Variants in GALNT13 observed in about 807,000 individuals in gnomAD.
GALNT13 encodes the protein polypeptide N-acetylgalactosaminyltransferase 13.
In GALNT13, 28 loss-of-function variants were observed where a neutral mutation model predicts 64.2. The ratio of observed to expected loss-of-function variants is 0.44; its 90% confidence interval spans 0.32 to 0.60. GALNT13 has a LOEUF of 0.60. GALNT13 is among the 20% of genes least tolerant of loss of function. The pLI is 0.05. For synonymous variants in GALNT13, 214 were observed against 224.6 expected (o/e 0.95, Z 0.42); for missense variants, 577 against 669.8 (o/e 0.86, Z 1.53).
At chr2:154,329,590 A>G (rs954984043) in intron 9 of GALNT13, among the ~76,000 whole-genome samples, 2 of 152,114 alleles carry the variant, frequency 1.3e-5, no homozygotes, top group African/African-American at 4.8e-5. Flanking sequence ...AACCCACTTC[A>G]TATCCCAGCA....
Position 153,997,803 on chromosome 2 carries a change from C to T in GALNT13, c.142+53164C>T, listed in dbSNP as rs373877496. On this transcript the variant is annotated intron_variant, in intron 3 of 12. Coordinates refer to ENST00000392825, the MANE Select transcript of GALNT13 (RefSeq NM_052917.4). ...TGCTATCCCTTCCCTAGCCCCCGAGCCCCCGACAGACCCTGGTGTGTGGTG... is the reference window on the plus strand; with the variant it reads ...TGCTATCCCTTCCCTAGCCCCCGAGTCCCCGACAGACCCTGGTGTGTGGTG... 4.6e-5 allele frequency among the ~76,000 whole-genome samples: 7 copies of T among 152,194 alleles called. No individual in the cohort carries two copies. The East Asian group carries it at 1.4e-3, about 30-fold the overall frequency.
At chr2:153,355,788 G>A in the GALNT13 span, among the ~76,000 whole-genome samples, 3 of 152,200 alleles carry the variant, frequency 2.0e-5, no homozygotes, top group Admixed American at 1.3e-4. Context: ...AGGATCAAAT[G>A]AGGGGACTCA....
the GALNT13 span, among the ~76,000 whole-genome samples, chr2:153,485,374 C>G: frequency 6.6e-6 from 1 of 152,116 alleles, no homozygotes; most frequent in Non-Finnish European, 1.5e-5. Flanking sequence ...TTAGAAAGTT[C>G]ACTCTCATCC....
the GALNT13 span, among the ~76,000 whole-genome samples, chr2:153,350,372 G>GTTTC: frequency 7.6e-3 from 1,019 of 134,718 alleles, 21 homozygotes; most frequent in African/African-American, 0.028. Context: ...TGCATGGTCT[G>GTTTC]TTTCTTTCTT....
In GALNT13 at chr2:154,318,881, G is replaced by A. The variant is rs114454307; in HGVS notation, c.1156+17292G>A. Among the ~76,000 whole-genome samples, 715 of 151,796 alleles carry A rather than the reference G, an allele frequency of 4.7e-3. 6 individuals are homozygous for A. The highest frequency in any genetic ancestry group is 0.016 in the African/African-American group (644 of 41,368). Reference sequence around the variant, plus strand: ...GTATTTTAAGTATACACACGCGCGCGCACACACACGCACACACATATATAT... The same window carrying A: ...GTATTTTAAGTATACACACGCGCGCACACACACACGCACACACATATATAT... On this transcript the variant is annotated intron_variant, in intron 9 of 12. Transcript: ENST00000392825.
At chr2:153,585,259 GA>G in the GALNT13 span, among the ~76,000 whole-genome samples, 1 of 152,082 alleles carries the variant, frequency 6.6e-6, no homozygotes, top group Non-Finnish European at 1.5e-5. Flanking sequence ...TTCTGAGACA[GA>G]AAAATTCTTT....
At chr2:153,911,106 C>T (rs1688908164) in intron 2 of GALNT13, among the ~76,000 whole-genome samples, 1 of 152,140 alleles carries the variant, frequency 6.6e-6, no homozygotes, top group Admixed American at 6.5e-5. Context: ...GGATGCTTCT[C>T]AGTTGGGTGT....
At chr2:154,085,429 C>A (rs1171912269) in intron 3 of GALNT13, among the ~76,000 whole-genome samples, 2 of 151,974 alleles carry the variant, frequency 1.3e-5, no homozygotes, top group African/African-American at 4.8e-5. Context: ...GAGATAATTA[C>A]ATCCAAATGC....
At chr2:154,156,082 G>A (rs1684403312) in intron 4 of GALNT13, among the ~76,000 whole-genome samples, 1 of 151,110 alleles carries the variant, frequency 6.6e-6, no homozygotes, top group African/African-American at 2.4e-5. Flanking sequence ...GAGTTATACT[G>A]TAGATACAGA....
chr2:153,568,776 C>T, the GALNT13 span, among the ~76,000 whole-genome samples: 3 of 152,162 alleles, frequency 2.0e-5, no homozygotes, highest in Non-Finnish European at 4.4e-5. Context: ...TTAGCACATA[C>T]ATACCTCCCG....
At chr2:153,237,795 G>A in the GALNT13 span, among the ~76,000 whole-genome samples, 3 of 151,966 alleles carry the variant, frequency 2.0e-5, no homozygotes, top group East Asian at 5.8e-4. Flanking sequence ...ACAAACATGG[G>A]GGTGCAGGTA....
the GALNT13 span, among the ~76,000 whole-genome samples, chr2:153,616,718 T>C: frequency 6.6e-6 from 1 of 152,170 alleles, no homozygotes; most frequent in Admixed American, 6.6e-5. Flanking sequence ...AATTTCTCTT[T>C]CTGATTGTTC....
intron 9 of GALNT13, among the ~76,000 whole-genome samples, chr2:154,376,444 C>A (rs886346511): frequency 6.6e-6 from 1 of 151,966 alleles, no homozygotes; most frequent in Non-Finnish European, 1.5e-5. Flanking sequence ...GATAAAAAAT[C>A]TTTTTTCCAG....
At chr2:154,122,347 A>T (rs992220914) in intron 3 of GALNT13, among the ~76,000 whole-genome samples, 4 of 151,754 alleles carry the variant, frequency 2.6e-5, no homozygotes, top group Non-Finnish European at 5.9e-5. Context: ...TTTGTCAAGG[A>T]TTTCTGTGTC....
chr2:153,261,722 A>G, the GALNT13 span, among the ~76,000 whole-genome samples: 1 of 148,008 alleles, frequency 6.8e-6, no homozygotes, highest in African/African-American at 2.5e-5. Flanking sequence ...GGGCTCTACA[A>G]TCAGTAGGCA....
the GALNT13 span, among the ~76,000 whole-genome samples, chr2:153,437,730 G>T: frequency 1.3e-5 from 2 of 152,112 alleles, no homozygotes; most frequent in African/African-American, 4.8e-5. Context: ...CTCTGCATGT[G>T]AGATGGGTTT....
the GALNT13 span, among the ~76,000 whole-genome samples, chr2:153,074,853 A>C: frequency 6.6e-6 from 1 of 152,228 alleles, no homozygotes; most frequent in East Asian, 1.9e-4. Flanking sequence ...TATCACCTCA[A>C]CTGGCTGAGT....
At chr2:153,734,605 A>G in the GALNT13 span, among the ~76,000 whole-genome samples, 2 of 152,062 alleles carry the variant, frequency 1.3e-5, no homozygotes, top group Admixed American at 6.6e-5. Context: ...TAATAATAAT[A>G]TTTTCGATTG....
the GALNT13 span, among the ~76,000 whole-genome samples, chr2:153,214,800 T>C: frequency 1.3e-5 from 2 of 152,164 alleles, no homozygotes; most frequent in Non-Finnish European, 2.9e-5. Flanking sequence ...CATACTTTAT[T>C]AGAAAAATAA....
Sources: allele counts gnomAD v4.1 joint callset (sites outside exome capture counted in the v4.1 genomes callset), GRCh38; gene constraint gnomAD v4.1.1; transcripts MANE v1.5; gene names NCBI Gene and HGNC (gene_info 2026-07-23, HGNC 2026-07-21).